Variants in NDRG3 observed in about 807,000 individuals in gnomAD.
NDRG3 encodes the protein protein NDRG3.
NDRG3 carries 23 observed loss-of-function variants against 57.2 expected under a neutral mutation model. The observed-to-expected ratio is 0.40, with a 90% CI of 0.29 to 0.57. The LOEUF is 0.57. Among genes scored for constraint, NDRG3 ranks in the 20% least tolerant of loss-of-function variants. The pLI, the probability that NDRG3 is intolerant of heterozygous loss-of-function variation, is 0.42. For synonymous variants in NDRG3, 132 were observed against 162.6 expected, an observed-to-expected ratio of 0.81 and a Z score of 1.43; for missense variants, 384 against 457.3, an observed-to-expected ratio of 0.84 and a Z score of 1.46.
At chr20:36,691,961 T>C (rs746222384) in intron 3 of NDRG3, among the ~76,000 whole-genome samples, 21 of 152,086 alleles carry the variant, frequency 1.4e-4, no homozygotes, top group Non-Finnish European at 2.8e-4. Flanking sequence ...ATGTTCTACA[T>C]AGGGAGGCAC....
intron 2 of NDRG3, among the ~76,000 whole-genome samples, chr20:36,708,759 C>T (rs1332337420): frequency 6.6e-6 from 1 of 152,094 alleles, no homozygotes; most frequent in East Asian, 1.9e-4. Context: ...CCAAGCCGGG[C>T]GCGGTGGCTC....
chr20:36,730,737 C>G, intron 1 of NDRG3, among the ~76,000 whole-genome samples: 1 of 151,672 alleles, frequency 6.6e-6, no homozygotes, highest in African/African-American at 2.4e-5. Flanking sequence ...TATTTGAGGC[C>G]AGGAGTTCGA....
chr20:36,728,998 A>G (rs1200011390), intron 1 of NDRG3, among the ~76,000 whole-genome samples: 7 of 152,180 alleles, frequency 4.6e-5, no homozygotes, highest in African/African-American at 1.7e-4. Flanking sequence ...CTGGGATTAC[A>G]GGTGTAAGCC....
At chr20:36,721,323 G>A (rs957331684) in intron 2 of NDRG3, among the ~76,000 whole-genome samples, 5 of 151,808 alleles carry the variant, frequency 3.3e-5, no homozygotes, top group Non-Finnish European at 2.9e-5. Context: ...GAGGTCAGGA[G>A]ATCGAGACCA....
chr20:36,669,030 A>G (rs546006869), intron 9 of NDRG3, among the ~76,000 whole-genome samples: 111 of 151,096 alleles, frequency 7.3e-4, no homozygotes, highest in Non-Finnish European at 7.7e-4. Flanking sequence ...GAACACAGGC[A>G]TGGCTACTAA....
At chr20:36,692,049 G>A (rs945562231) in intron 3 of NDRG3, among the ~76,000 whole-genome samples, 3 of 152,102 alleles carry the variant, frequency 2.0e-5, no homozygotes, top group Non-Finnish European at 4.4e-5. Context: ...AGGGTGCTAC[G>A]ATAGAAAAGT....
In NDRG3 at chr20:36,707,913, G is replaced by A. The variant is rs567381076; in HGVS notation, c.58-906C>T. On this transcript the variant is annotated intron_variant, in intron 2 of 15. Transcript: ENST00000349004. ...AGCCTGGCCAACATGGTGAAACCCCGTCTCTACTAAAAATACAAAAATTAG... is the reference window on the plus strand; with the variant it reads ...AGCCTGGCCAACATGGTGAAACCCCATCTCTACTAAAAATACAAAAATTAG... Among the ~76,000 whole-genome samples, 60 of 151,228 alleles carry A rather than the reference G, an allele frequency of 4.0e-4. No homozygotes were observed. In the South Asian group the frequency reaches 5.7e-3, roughly 14 times the overall value.
rs937392564 is a variant in NDRG3 at position 36,686,261 on chromosome 20, G to A, written c.320+1231C>T. ...TAGAGTCAGATTCTGGCACCAGACT[G>A]TCTGGGTTCAAATCTTAGCTCTGCC... On this transcript the variant is annotated intron_variant, in intron 5 of 15. Transcript: ENST00000349004. 2.0e-5 allele frequency among the ~76,000 whole-genome samples: 3 copies of A among 152,182 alleles called. No individual in the cohort carries two copies. The East Asian group carries it at 5.8e-4, about 29-fold the overall frequency.
intron 3 of NDRG3, among the ~76,000 whole-genome samples, chr20:36,693,712 G>T (rs1225721192): frequency 1.3e-5 from 2 of 151,778 alleles, no homozygotes; most frequent in Non-Finnish European, 2.9e-5. Context: ...GATCTAGGTT[G>T]TGTGCTCCTT....
At chr20:36,671,255 T>G in intron 9 of NDRG3, 86 bp downstream of exon 9, 1 of 1,136,534 alleles carries the variant, frequency 8.8e-7, no homozygotes, top group Non-Finnish European at 1.3e-6. Flanking sequence ...AGGTAAATTC[T>G]AAGGCAGCCC....
chr20:36,730,359 A>G (rs115398883), intron 1 of NDRG3, among the ~76,000 whole-genome samples: 2,541 of 152,018 alleles, frequency 0.017, 61 homozygotes, highest in African/African-American at 0.058. Context: ...TGGTCAAGCA[A>G]TCCTCCCGCC....
At chr20:36,705,109 C>A (rs1308074152) in intron 3 of NDRG3, among the ~76,000 whole-genome samples, 1 of 151,596 alleles carries the variant, frequency 6.6e-6, no homozygotes. Flanking sequence ...CATTTGAGGT[C>A]AGGGGTTCGA....
At chr20:36,666,222 CCTT>C in intron 10 of NDRG3, 64 bp downstream of exon 10, 1 of 1,214,788 alleles carries the variant, frequency 8.2e-7, no homozygotes. Flanking sequence ...AGTCCTCTCT[CCTT>C]CTCCCACCCT....
chr20:36,704,163 G>A (rs570482551), intron 3 of NDRG3, among the ~76,000 whole-genome samples: 1 of 152,060 alleles, frequency 6.6e-6, no homozygotes, highest in South Asian at 2.1e-4. Flanking sequence ...TGCAGCCTCC[G>A]CCTTCTGGAT....
intron 3 of NDRG3, among the ~76,000 whole-genome samples, chr20:36,705,885 C>G (rs1434769267): frequency 6.6e-6 from 1 of 152,130 alleles, no homozygotes; most frequent in Non-Finnish European, 1.5e-5. Flanking sequence ...GCTGGGATTA[C>G]AGGCACGCAC....
chr20:36,712,001 G>T (rs1009191314), intron 2 of NDRG3, among the ~76,000 whole-genome samples: 1 of 152,128 alleles, frequency 6.6e-6, no homozygotes, highest in Admixed American at 6.5e-5. Flanking sequence ...GGATGGTCTC[G>T]ATCTCCTGAC....
intron 12 of NDRG3, among the ~76,000 whole-genome samples, chr20:36,662,182 A>G (rs1979257895): frequency 6.6e-6 from 1 of 151,764 alleles, no homozygotes; most frequent in South Asian, 2.1e-4. Flanking sequence ...ACATTATAAG[A>G]AGTCTTGATA....
At chr20:36,742,271 C>T (rs1985959893) in intron 1 of NDRG3, among the ~76,000 whole-genome samples, 1 of 152,170 alleles carries the variant, frequency 6.6e-6, no homozygotes, top group South Asian at 2.1e-4. Flanking sequence ...TCTTCTCCCA[C>T]CCCTGTTCTA....
chr20:36,695,916 G>A (rs144511166), intron 3 of NDRG3, among the ~76,000 whole-genome samples: 23,447 of 151,992 alleles, frequency 0.15, 2,001 homozygotes, highest in Admixed American at 0.26. Flanking sequence ...CTGGTTTTAC[G>A]GCTCAGGGGG....
Sources: gnomAD v4.1 joint callset for allele counts (sites outside exome capture counted in the v4.1 genomes callset) on GRCh38, gnomAD v4.1.1 for gene constraint, MANE v1.5 for transcripts, NCBI Gene and HGNC (gene_info 2026-07-23, HGNC 2026-07-21) for gene names.